The following DLG5 variants were observed in gnomAD, a reference collection of about 807,000 sequenced individuals.
The protein encoded by DLG5 is disks large homolog 5.
Under a neutral mutation model 189.8 loss-of-function variants are expected in DLG5, and 48 were observed. The observed-to-expected ratio is 0.25, with a 90% CI of 0.20 to 0.32. The LOEUF (loss-of-function observed/expected upper bound fraction) is 0.32, where lower values mean the gene tolerates loss of function less well. Among genes scored for constraint, DLG5 ranks in the 10% least tolerant of loss-of-function variants. The probability of loss-of-function intolerance (pLI) is 1.00; values close to 1 mark genes in which losing one functional copy is unlikely to be tolerated. For synonymous variants in DLG5, 1,016 were observed against 1,054.1 expected (o/e 0.96, Z 0.70); for missense variants, 2,160 against 2,544.7 (o/e 0.85, Z 3.25).
chr10:77,830,901 G>A, intron 9 of DLG5, 28 bp from the exon 10 acceptor site: 1 of 1,611,388 alleles, frequency 6.2e-7, no homozygotes, highest in South Asian at 1.1e-5. Context: ...CACGGTGACA[G>A]CCCCTTGGGA....
chr10:77,877,812 T>C (rs1845147832), intron 1 of DLG5, among the ~76,000 whole-genome samples: 1 of 151,998 alleles, frequency 6.6e-6, no homozygotes, highest in South Asian at 2.1e-4. Flanking sequence ...ACAACGAACA[T>C]AGCCAAGCCT....
rs1842989386 is a variant in DLG5, at chr10:77,833,803, CAGA to C, written c.1748+108_1748+110del. The C allele has an allele frequency of 4.1e-6, 6 of 1,479,228 alleles. No individual in the cohort carries two copies. In the African/African-American group the frequency reaches 5.5e-5, roughly 14 times the overall value. The allele number at this position is 1,479,228 out of a possible 1,614,324, so 91.6% of individuals were successfully genotyped here. A position where few individuals can be genotyped will look rare whatever the true frequency, so the allele number is the denominator to read the frequency against. On this transcript the variant is annotated intron_variant, in intron 9 of 31. Transcript: ENST00000372391. Reference sequence around the variant, plus strand: ...GAAGGGACAAACAGCCAGCTCGACGCAGAAGGATGAGGCCCTGGCCAATGCACT... The same window carrying C: ...GAAGGGACAAACAGCCAGCTCGACGCAGGATGAGGCCCTGGCCAATGCACT...
chr10:77,821,692 G>C lies in DLG5; in HGVS notation c.2792C>G (p.Ala931Gly). 6.2e-7 allele frequency: 1 copy of C among 1,612,348 alleles called. No homozygotes were observed. Among genetic ancestry groups the C allele is most frequent in the Non-Finnish European group, 8.5e-7 (1 of 1,179,676 alleles). ...TEVGPCGVGEASLDKADSEGS... is the reference protein window; with the variant it reads ...TEVGPCGVGEGSLDKADSEGS... ...TTCAGAGTCTGCCTTGTCCAGGGAG[G>C]CCTCCCCAACCCCACAGGGGCCCAC... The change falls in exon 15 of 32, where the codon GCC (alanine) becomes GGC (glycine). Residue 931 changes from alanine to glycine, a missense_variant. Physicochemically the swap from Ala to Gly is moderately conservative, Grantham distance 60 (BLOSUM62 0). This residue lies in a region of DLG5 where 754 missense variants were observed against 746.5 expected (regional missense o/e 1.01). Transcript: ENST00000372391.
intron 1 of DLG5, among the ~76,000 whole-genome samples, chr10:77,876,337 A>T (rs1471785699): frequency 6.6e-6 from 1 of 151,164 alleles, no homozygotes; most frequent in Admixed American, 6.6e-5. Context: ...CAGGAGTTCA[A>T]GACCAGCCTG....
intron 29 of DLG5, 74 bp from the exon 30 acceptor site, chr10:77,795,032 GACCCACCTCACCTC>G: frequency 4.1e-6 from 5 of 1,210,946 alleles, no homozygotes; most frequent in Non-Finnish European, 4.8e-6. Flanking sequence ...CCACCAGCAG[GACCCACCTCACCTC>G]ACAGGGCTCT....
intron 1 of DLG5, among the ~76,000 whole-genome samples, chr10:77,871,953 T>G (rs1427447098): frequency 6.6e-6 from 1 of 152,190 alleles, no homozygotes; most frequent in African/African-American, 2.4e-5. Flanking sequence ...CATTGATATC[T>G]TCAAAGAACA....
At chr10:77,839,416 G>A (rs1312010535) in intron 7 of DLG5, among the ~76,000 whole-genome samples, 5 of 152,100 alleles carry the variant, frequency 3.3e-5, no homozygotes, top group Admixed American at 6.5e-5. Context: ...CAAGAGGATC[G>A]CTGGAACCCG....
Position 77,821,815 on chromosome 10 carries a change from C to T in DLG5, c.2669G>A (p.Arg890His), listed in dbSNP as rs186397140. Residue 890 changes from arginine to histidine, a missense_variant, in exon 15 of 32, where the codon CGT (arginine) becomes CAT (histidine). Around this residue, in one of 5 missense-constraint regions of DLG5, gnomAD observed 754 missense variants for 746.5 expected, o/e 1.01. Transcript: ENST00000372391. The part of the protein sequence containing the change: ...CPQACPSASE[R>H]SLSSFRSDAS... ...ATCTGAGCGGAAGGAGCTCAGGCTA[C>T]GCTCAGAGGCACTGGGACAGGCCTG... 353 of 1,613,142 alleles carry T rather than the reference C, an allele frequency of 2.2e-4. 2 individuals carry two copies. The East Asian group carries it at 4.4e-3, about 20-fold the overall frequency.
intron 11 of DLG5, among the ~76,000 whole-genome samples, chr10:77,829,910 G>C (rs1842822011): frequency 6.6e-6 from 1 of 152,186 alleles, no homozygotes; most frequent in South Asian, 2.1e-4. Flanking sequence ...TTATCATCAT[G>C]ACTATTTCCC....
rs144555720 is a variant in DLG5, at chr10:77,890,420, T to C, written c.305-21223A>G. Among the ~76,000 whole-genome samples the C allele has an allele frequency of 1.7e-3, 264 of 152,284 alleles. 2 individuals are homozygous for C. The highest frequency in any genetic ancestry group is 6.0e-3 in the African/African-American group (249 of 41,564). On this transcript the variant is annotated intron_variant, in intron 1 of 31. Transcript: ENST00000372391. ...CACCCCACGATTCACCTTGGGTCTC[T>C]AGGGTCCCAGGTTTGCCATTTACCA...
chr10:77,817,142 A>G, intron 18 of DLG5, 46 bp from the exon 19 acceptor site: 1 of 1,537,930 alleles, frequency 6.5e-7, no homozygotes, highest in Non-Finnish European at 9.0e-7. Context: ...ATGGTTAAAC[A>G]CCACCCTGTC....
intron 13 of DLG5, among the ~76,000 whole-genome samples, chr10:77,826,338 G>A (rs1278199154): frequency 2.6e-5 from 4 of 152,188 alleles, no homozygotes; most frequent in Non-Finnish European, 4.4e-5. Flanking sequence ...ATCTAAAGAC[G>A]TGAATGTGGG....
chr10:77,796,547 C>A lies in DLG5; in HGVS notation c.5212G>T (p.Ala1738Ser), dbSNP rs74140334. 48 of 1,614,018 alleles carry A rather than the reference C, an allele frequency of 3.0e-5. No individual in the cohort carries two copies. Among genetic ancestry groups the A allele is most frequent in the Non-Finnish European group, 3.6e-5 (43 of 1,180,026 alleles). Residue 1738 changes from alanine to serine, a missense_variant, in exon 28 of 32, where the codon GCT becomes TCT. Transcript: ENST00000372391. The surrounding 1 kb of genome is among the most constrained non-coding windows in gnomAD (Gnocchi z 5.2). ...CCCAGAATCAGGACAGGCCTCAGAG[C>A]GGTGCAGTCCACCTTCTGGACCCGC... ...YQRVQKVDCT[A>S]LRPVLILGPL...
intron 5 of DLG5, among the ~76,000 whole-genome samples, chr10:77,847,488 T>A (rs1843752406): frequency 6.6e-6 from 1 of 152,150 alleles, no homozygotes; most frequent in Admixed American, 6.5e-5. Context: ...CAAACAGGAC[T>A]CAGTGCCAGG....
chr10:77,823,907 C>T lies in DLG5; in HGVS notation c.2382+477G>A, dbSNP rs367911713. ...GCACAATCACAACTCACTGCCACCT[C>T]GACCTCCCAGGCTTTTTGTATTTTC... On this transcript the variant is annotated intron_variant, in intron 14 of 31. Transcript: ENST00000372391. Among the ~76,000 whole-genome samples, 23 of 152,232 alleles carry T rather than the reference C, an allele frequency of 1.5e-4. 3 individuals carry two copies. The highest frequency in any genetic ancestry group is 7.7e-4 in the East Asian group (4 of 5,168).
chr10:77,795,230 A>G (rs1840849530), intron 29 of DLG5, among the ~76,000 whole-genome samples: 1 of 152,200 alleles, frequency 6.6e-6, no homozygotes, highest in South Asian at 2.1e-4. Flanking sequence ...TTGCCCAGAT[A>G]CAGGGACCTT....
intron 13 of DLG5, 21 bp from the exon 14 acceptor site, chr10:77,824,497 T>A (rs542095453): frequency 1.2e-6 from 2 of 1,603,508 alleles, no homozygotes; most frequent in Admixed American, 3.3e-5. Context: ...ACAGAGAGCA[T>A]GTCAGGCCAC....
chr10:77,884,775 C>A (rs1391033044), intron 1 of DLG5, among the ~76,000 whole-genome samples: 2 of 152,120 alleles, frequency 1.3e-5, no homozygotes, highest in African/African-American at 4.8e-5. Context: ...AGCAGATGAT[C>A]CTCCAATCCA....
intron 27 of DLG5, among the ~76,000 whole-genome samples, chr10:77,802,713 A>G: frequency 6.6e-6 from 1 of 152,216 alleles, no homozygotes. Flanking sequence ...CAGCCTGGCC[A>G]ACATGGTGAA....
Sources: allele counts gnomAD v4.1 joint callset (sites outside exome capture counted in the v4.1 genomes callset), GRCh38; gene constraint gnomAD v4.1.1; regional missense constraint gnomAD v4.1.1; non-coding constraint Gnocchi (gnomAD v3.1); transcripts MANE v1.5; gene names NCBI Gene and HGNC (gene_info 2026-07-23, HGNC 2026-07-21).